The following ADAMTS12 variants were observed in gnomAD, a reference collection of about 807,000 sequenced individuals.
ADAMTS12 encodes ADAM metallopeptidase with thrombospondin type 1 motif 12.
In ADAMTS12, 118 loss-of-function variants were observed where a neutral mutation model predicts 167.8. The ratio of observed to expected loss-of-function variants is 0.70; its 90% CI spans 0.61 to 0.82. ADAMTS12 has a LOEUF of 0.82. ADAMTS12 is among the 40% of genes least tolerant of loss of function. The probability of loss-of-function intolerance (pLI) is 0.00; values close to 1 mark genes in which losing one functional copy is unlikely to be tolerated. For synonymous variants in ADAMTS12, 704 were observed against 716.9 expected (o/e 0.98, Z 0.29); for missense variants, 1,916 against 1,998.8 (o/e 0.96, Z 0.79).
At chr5:33,648,378 C>T (rs534855902) in intron 9 of ADAMTS12, among the ~76,000 whole-genome samples, 2 of 152,134 alleles carry the variant, frequency 1.3e-5, no homozygotes, top group Non-Finnish European at 2.9e-5. Context: ...TCAGAAGGTA[C>T]GGTGTCAAAT....
At chr5:33,584,668 A>G (rs2111993944) in intron 18 of ADAMTS12, among the ~76,000 whole-genome samples, 2 of 152,322 alleles carry the variant, frequency 1.3e-5, no homozygotes, top group South Asian at 4.1e-4. Context: ...ATCTTATTCA[A>G]TTCTTACAAT....
intron 11 of ADAMTS12, among the ~76,000 whole-genome samples, chr5:33,639,178 AAC>A (rs1490166452): frequency 2.6e-5 from 4 of 152,228 alleles, no homozygotes; most frequent in Admixed American, 2.0e-4. Flanking sequence ...TAGAGTAACT[AAC>A]ACAGAATGAG....
Position 33,881,368 on chromosome 5 carries a change from C to T in ADAMTS12, c.240G>A (p.Arg80=), listed in dbSNP as rs1309276572. The change falls in exon 2 of 24, where the codon AGG becomes AGA. Residue 80 remains arginine, a synonymous_variant. Coordinates refer to ENST00000504830, the MANE Select transcript of ADAMTS12 (RefSeq NM_030955.4). ...CCTCTGAGCCATCCAAATCTCTCTT[C>T]CTCCTGCTGCTCGTGATGGGATAGT... ...GLHYPITSSR[R]KRDLDGSEDW... 4 of 1,614,220 alleles carry T rather than the reference C, an allele frequency of 2.5e-6. No homozygotes were observed. In the Admixed American group the frequency reaches 6.7e-5, roughly 27 times the overall value.
At chr5:33,623,046 A>G (rs1028945630) in intron 14 of ADAMTS12, among the ~76,000 whole-genome samples, 5 of 152,218 alleles carry the variant, frequency 3.3e-5, no homozygotes, top group Non-Finnish European at 7.3e-5. Context: ...TGTTATGATT[A>G]CTAGGGAACA....
chr5:33,546,251 T>C lies in ADAMTS12; in HGVS notation c.4303-49A>G, dbSNP rs941848934. The C allele has an allele frequency of 3.9e-6, 6 of 1,555,578 alleles. No individual in the cohort carries two copies. The Admixed American group carries it at 9.4e-5, about 24-fold the overall frequency. On this transcript the variant is annotated intron_variant, in intron 21 of 23. Transcript: ENST00000504830. ...TAGGTAAAAGTCAGGTGGAGACATG[T>C]TTAATGATAAGTGAAGAACTTCGTA...
intron 2 of ADAMTS12, among the ~76,000 whole-genome samples, chr5:33,849,764 ATGTATTG>A (rs1749150859): frequency 6.7e-6 from 1 of 150,070 alleles, no homozygotes; most frequent in African/African-American, 2.4e-5. Flanking sequence ...GTATCTATAT[ATGTATTG>A]CATAGCAATA....
At chr5:33,713,178 A>G (rs1301918574) in intron 3 of ADAMTS12, among the ~76,000 whole-genome samples, 1 of 152,160 alleles carries the variant, frequency 6.6e-6, no homozygotes, top group Admixed American at 6.6e-5. Context: ...GGGAACAATC[A>G]GTATTATTAA....
At chr5:33,833,821 TAAA>T (rs986657214) in intron 2 of ADAMTS12, among the ~76,000 whole-genome samples, 4 of 152,128 alleles carry the variant, frequency 2.6e-5, no homozygotes, top group Admixed American at 2.6e-4. Context: ...AAATATTAAA[TAAA>T]AAACAGGATT....
At chr5:33,682,236 T>C (rs532656059) in intron 5 of ADAMTS12, among the ~76,000 whole-genome samples, 53 of 152,320 alleles carry the variant, frequency 3.5e-4, no homozygotes, top group African/African-American at 9.9e-4. Context: ...ATGTAACCAA[T>C]GCGTAATAGT....
chr5:33,849,610 T>TAC (rs199902475), intron 2 of ADAMTS12, among the ~76,000 whole-genome samples: 1,081 of 57,980 alleles, frequency 0.019, 64 homozygotes, highest in African/African-American at 0.049. Flanking sequence ...TGCATAGCAA[T>TAC]ATATATGTAT....
Position 33,720,284 on chromosome 5 carries a change from T to TCACACACACACACA in ADAMTS12, c.634+31106_634+31119dup, listed in dbSNP as rs3071626. Among the ~76,000 whole-genome samples the TCACACACACACACA allele has an allele frequency of 1.9e-3, 281 of 147,902 alleles. 1 individual carries two copies. The highest frequency in any genetic ancestry group is 3.0e-3 in the African/African-American group (123 of 40,368). On this transcript the variant is annotated intron_variant, in intron 3 of 23. Transcript: ENST00000504830. ...ATTCACCCCTCTCTCTCTCTCTCAC[T>TCACACACACACACA]CACACACACACACACACACACACAC...
intron 17 of ADAMTS12, among the ~76,000 whole-genome samples, chr5:33,594,049 G>A (rs1162961945): frequency 3.9e-5 from 6 of 152,174 alleles, no homozygotes; most frequent in Admixed American, 3.9e-4. Flanking sequence ...ATATGGCTTG[G>A]CTGTGTCCCC....
At chr5:33,803,196 G>C (rs1747075584) in intron 2 of ADAMTS12, among the ~76,000 whole-genome samples, 1 of 152,116 alleles carries the variant, frequency 6.6e-6, no homozygotes, top group Non-Finnish European at 1.5e-5. Flanking sequence ...CATAAAAGCA[G>C]ACAGACAAAC....
chr5:33,627,984 G>C (rs772052654), intron 13 of ADAMTS12, among the ~76,000 whole-genome samples: 1 of 152,128 alleles, frequency 6.6e-6, no homozygotes, highest in East Asian at 1.9e-4. Context: ...ATTTTAAGGA[G>C]TGCACAGTAG....
chr5:33,677,643 A>G lies in ADAMTS12; in HGVS notation c.915+5375T>C, dbSNP rs181501000. Among the ~76,000 whole-genome samples the G allele has an allele frequency of 2.7e-3, 410 of 152,364 alleles. 2 individuals are homozygous for G. Among genetic ancestry groups the G allele is most frequent in the Non-Finnish European group, 4.5e-3 (303 of 68,030 alleles). On this transcript the variant is annotated intron_variant, in intron 5 of 23. Transcript: ENST00000504830. ...AAATTAAAAGGATAGAATTTGGGCC[A>G]TAAAATGAAAATCAGAGCTCAATTC... is the stretch of plus-strand genomic sequence containing the variant.
intron 16 of ADAMTS12, among the ~76,000 whole-genome samples, chr5:33,600,529 T>TGC (rs1738136692): frequency 6.6e-6 from 1 of 151,754 alleles, no homozygotes; most frequent in East Asian, 1.9e-4. Flanking sequence ...AGTGAAGACA[T>TGC]AGCTTATTGT....
At chr5:33,562,909 G>T (rs144066216) in intron 19 of ADAMTS12, among the ~76,000 whole-genome samples, 39 of 152,112 alleles carry the variant, frequency 2.6e-4, no homozygotes, top group African/African-American at 8.4e-4. Context: ...TGGGATTACA[G>T]GCATGAGTCA....
intron 9 of ADAMTS12, among the ~76,000 whole-genome samples, chr5:33,644,285 A>G (rs1219409457): frequency 2.6e-5 from 4 of 152,082 alleles, no homozygotes; most frequent in South Asian, 2.1e-4. Flanking sequence ...TTGTGTTTCA[A>G]CCTCACTTTC....
intron 18 of ADAMTS12, among the ~76,000 whole-genome samples, chr5:33,579,438 C>T (rs6885236): frequency 0.2 from 30,765 of 152,140 alleles, 3,294 homozygotes; most frequent in South Asian, 0.27. Context: ...ATAGGAAACG[C>T]TTCTATTTTT....
Sources: allele counts gnomAD v4.1 joint callset (sites outside exome capture counted in the v4.1 genomes callset), GRCh38; gene constraint gnomAD v4.1.1; transcripts MANE v1.5; gene names NCBI Gene and HGNC (gene_info 2026-07-23, HGNC 2026-07-21).